CDYL: variants seen among roughly 807,000 people sequenced by gnomAD.
CDYL encodes chromodomain Y-like protein.
Under a neutral mutation model 47.3 loss-of-function variants are expected in CDYL, and 8 were observed. The observed-to-expected ratio is 0.17, with a 90% CI of 0.10 to 0.31. The LOEUF is 0.31. CDYL is among the 10% of genes least tolerant of loss of function. The pLI, the probability that CDYL is intolerant of heterozygous loss-of-function variation, is 1.00. For synonymous variants in CDYL, 266 were observed against 265.0 expected, an observed-to-expected ratio of 1.00 and a Z score of -0.04; for missense variants, 471 against 701.4, an observed-to-expected ratio of 0.67 and a Z score of 3.71.
chr6:4,848,742 T>C (rs1760737443), intron 1 of CDYL, among the ~76,000 whole-genome samples: 1 of 152,244 alleles, frequency 6.6e-6, no homozygotes, highest in African/African-American at 2.4e-5. Context: ...TAGGACATGC[T>C]AAGGATTGAG....
intron 2 of CDYL, among the ~76,000 whole-genome samples, chr6:4,724,061 G>A (rs939046820): frequency 1.3e-5 from 2 of 148,210 alleles, no homozygotes; most frequent in Non-Finnish European, 1.5e-5. Context: ...GCGCGTTTGA[G>A]AGAGTCTTGC....
intron 2 of CDYL, among the ~76,000 whole-genome samples, chr6:4,906,216 T>G (rs763817806): frequency 7.2e-5 from 11 of 152,244 alleles, no homozygotes; most frequent in Non-Finnish European, 1.5e-4. Context: ...TAATGTAGTT[T>G]TAAATTATGT....
chr6:4,821,766 TC>T (rs1272871751), intron 1 of CDYL, among the ~76,000 whole-genome samples: 2 of 152,060 alleles, frequency 1.3e-5, no homozygotes, highest in African/African-American at 4.8e-5. Flanking sequence ...TCCTTGGGTT[TC>T]CATGTGTTCC....
intron 2 of CDYL, 146 bp from the exon 3 acceptor site, chr6:4,935,369 C>T (rs1197808577): frequency 4.2e-6 from 3 of 721,178 alleles, no homozygotes; most frequent in African/African-American, 3.6e-5. Flanking sequence ...TAGACTTTGG[C>T]TTTCTAAAGG....
At chr6:4,768,943 A>G (rs893344724) in intron 3 of CDYL, among the ~76,000 whole-genome samples, 3 of 152,344 alleles carry the variant, frequency 2.0e-5, no homozygotes, top group East Asian at 1.9e-4. Context: ...AAATCATATC[A>G]TGAGACAAAT....
At chr6:4,942,407 A>G (rs1327799060) in intron 4 of CDYL, among the ~76,000 whole-genome samples, 1 of 152,192 alleles carries the variant, frequency 6.6e-6, no homozygotes, top group Non-Finnish European at 1.5e-5. Flanking sequence ...TGATTTTCAG[A>G]GAAGATCTGA....
chr6:4,880,907 C>A (rs1318603452), intron 1 of CDYL, among the ~76,000 whole-genome samples: 2 of 152,114 alleles, frequency 1.3e-5, no homozygotes, highest in African/African-American at 4.8e-5. Context: ...GGATAACAGC[C>A]GTTTGTCAGA....
At chr6:4,858,737 GA>G (rs1761083310) in intron 1 of CDYL, among the ~76,000 whole-genome samples, 1 of 152,184 alleles carries the variant, frequency 6.6e-6, no homozygotes, top group African/African-American at 2.4e-5. Context: ...ACTTGAATTA[GA>G]CTATTAGACT....
rs944457730 is a variant in CDYL at position 4,738,090 on chromosome 6, A to G, written c.186+3246A>G. 3.3e-5 allele frequency among the ~76,000 whole-genome samples: 5 copies of G among 152,344 alleles called. No individual in the cohort carries two copies. The South Asian group carries it at 8.3e-4, about 25-fold the overall frequency. ...GCAGTAATTCACAGAAGAAACTGCT[A>G]TAGTCAAAAAATACAGGCTGGGCTC... On this transcript the variant is annotated intron_variant, in intron 3 of 8. Transcript: ENST00000328908.
At chr6:4,946,437 G>A (rs568300706) in intron 5 of CDYL, among the ~76,000 whole-genome samples, 1 of 152,270 alleles carries the variant, frequency 6.6e-6, no homozygotes, top group African/African-American at 2.4e-5. Context: ...TGCTGGATGA[G>A]GCTCTGGTGA....
At chr6:4,944,772 A>C (rs1758462001) in intron 5 of CDYL, among the ~76,000 whole-genome samples, 1 of 152,220 alleles carries the variant, frequency 6.6e-6, no homozygotes, top group Non-Finnish European at 1.5e-5. Flanking sequence ...GAAAAAGGAT[A>C]TTTGGATCCT....
At chr6:4,935,975 C>T (rs1422847886) in intron 3 of CDYL, among the ~76,000 whole-genome samples, 1 of 152,208 alleles carries the variant, frequency 6.6e-6, no homozygotes, top group Non-Finnish European at 1.5e-5. Flanking sequence ...ATTCAGGATG[C>T]TTGGCCTGTG....
rs1347034595 is a variant in CDYL, at chr6:4,955,501, C to T, written c.*1445C>T. 1 of 152,598 alleles carries T rather than the reference C, an allele frequency of 6.6e-6. No individual in the cohort carries two copies. Among genetic ancestry groups the T allele is most frequent in the Non-Finnish European group, 1.5e-5 (1 of 68,038 alleles). 9.5% of individuals were successfully genotyped at this position (152,598 alleles called of 1,614,324 possible). ...GTAAAGTTTTTATAGAATAAATATT[C>T]AGCTGTGAAAACTGGTTAAATAAAA... On this transcript the variant is annotated 3_prime_UTR_variant, in exon 7 of 7. Transcript: ENST00000397588.
intron 1 of CDYL, chr6:4,889,977 G>A: frequency 1.0e-6 from 1 of 985,316 alleles, no homozygotes; most frequent in Admixed American, 6.1e-5. Flanking sequence ...GGCCCTGGGG[G>A]AACCAGTGGT....
At chr6:4,949,134 C>T (rs1399367745) in intron 5 of CDYL, among the ~76,000 whole-genome samples, 1 of 152,258 alleles carries the variant, frequency 6.6e-6, no homozygotes, top group Non-Finnish European at 1.5e-5. Context: ...GTAAATCAGC[C>T]AAGGAGTCTC....
At chr6:4,769,965 TTGTG>T (rs58041362) in intron 3 of CDYL, among the ~76,000 whole-genome samples, 11,122 of 137,720 alleles carry the variant, frequency 0.081, 487 homozygotes, top group African/African-American at 0.13. Context: ...CCCGGCTAAT[TTGTG>T]TGTGTGTGTG....
At chr6:4,946,026 C>T (rs1201933199) in intron 5 of CDYL, among the ~76,000 whole-genome samples, 1 of 152,238 alleles carries the variant, frequency 6.6e-6, no homozygotes, top group African/African-American at 2.4e-5. Context: ...ACAGGCGGGC[C>T]TCCCTGGGAA....
At chr6:4,725,658 G>T (rs1757498585) in intron 2 of CDYL, among the ~76,000 whole-genome samples, 1 of 152,216 alleles carries the variant, frequency 6.6e-6, no homozygotes, top group Admixed American at 6.5e-5. Context: ...CAAGCACCGC[G>T]CACAGCCCCG....
At chr6:4,910,565 C>T (rs1441292237) in intron 2 of CDYL, among the ~76,000 whole-genome samples, 1 of 152,216 alleles carries the variant, frequency 6.6e-6, no homozygotes, top group Non-Finnish European at 1.5e-5. Context: ...AAGCCAGTTG[C>T]ACAAAAGGTT....
Sources: gnomAD v4.1 joint callset for allele counts (sites outside exome capture counted in the v4.1 genomes callset) on GRCh38, gnomAD v4.1.1 for gene constraint, MANE v1.5 for transcripts, NCBI Gene and HGNC (gene_info 2026-07-23, HGNC 2026-07-21) for gene names.